The following CCDC146 variants were observed in gnomAD, a reference collection of about 807,000 sequenced individuals.
The protein encoded by CCDC146 is coiled-coil domain-containing protein 146.
Under a neutral mutation model 119.3 loss-of-function variants are expected in CCDC146, and 92 were observed. The observed-to-expected ratio is 0.77, with a 90% confidence interval of 0.65 to 0.92. CCDC146 has a LOEUF of 0.92. Among genes scored for constraint, CCDC146 ranks in the 40% least tolerant of loss-of-function variants. CCDC146 has a pLI of 0.00. For synonymous variants in CCDC146, 372 were observed against 371.8 expected, an observed-to-expected ratio of 1.00 and a Z score of -0.01; for missense variants, 1,000 against 1,103.0, an observed-to-expected ratio of 0.91 and a Z score of 1.32.
At chr7:77,236,805 A>C (rs1479569419) in intron 2 of CCDC146, 142 bp from the exon 3 acceptor site, 1 of 623,216 alleles carries the variant, frequency 1.6e-6, no homozygotes. Context: ...AACACCTGGC[A>C]TGTTTCCAGT....
chr7:77,252,914 TC>T lies in CCDC146; in HGVS notation c.450-1590del, dbSNP rs530058539. On this transcript the variant is annotated intron_variant, in intron 4 of 18. Coordinates refer to ENST00000285871, the MANE Select transcript of CCDC146 (RefSeq NM_020879.3). ...ATTTGTTACTTACTTCCACTCACCT[TC>T]CTTGGGCAAATTAGTCCAATGGCTC... Among the ~76,000 whole-genome samples the T allele has an allele frequency of 2.0e-5, 3 of 152,308 alleles. No homozygotes were observed. The South Asian group carries it at 6.2e-4, about 32-fold the overall frequency.
At chr7:77,174,257 C>A (rs746571952) in intron 2 of CCDC146, among the ~76,000 whole-genome samples, 7 of 152,132 alleles carry the variant, frequency 4.6e-5, no homozygotes, top group African/African-American at 1.4e-4. Context: ...AGTTTGATTT[C>A]TTTTTTTGTT....
rs572767733 is a variant in CCDC146, at chr7:77,123,085, T to C, written c.-12+353T>C. 2.1e-5 allele frequency among the ~76,000 whole-genome samples: 3 copies of C among 146,318 alleles called. No homozygotes were observed. In the South Asian group the frequency reaches 6.6e-4, roughly 32 times the overall value. On this transcript the variant is annotated intron_variant, in intron 1 of 18. Coordinates refer to ENST00000285871, the MANE Select transcript of CCDC146 (RefSeq NM_020879.3). ...AGTAAGAAAATGGATGGGACCGTGG[T>C]GCACAGTCTACCAAATTACCGTGTA...
Position 77,295,106 on chromosome 7 carries a change from A to T in CCDC146, c.*240A>T. On this transcript the variant is annotated 3_prime_UTR_variant, in exon 19 of 19. Coordinates refer to ENST00000285871, the MANE Select transcript of CCDC146 (RefSeq NM_020879.3). ...GTCAAAGTATATATTTGAATCGCTT[A>T]TATTTTCTTTTTCACTCTTTATATT... 1 of 420,070 alleles carries T rather than the reference A, an allele frequency of 2.4e-6. No individual in the cohort carries two copies. Among genetic ancestry groups the T allele is most frequent in the Non-Finnish European group, 4.3e-6 (1 of 234,554 alleles). The allele number at this position is 420,070 out of a possible 1,614,324, so 26.0% of individuals were successfully genotyped here. A position where few individuals can be genotyped will look rare whatever the true frequency, so the allele number is the denominator to read the frequency against.
intron 11 of CCDC146, among the ~76,000 whole-genome samples, chr7:77,278,429 GA>G: frequency 1.9e-4 from 25 of 133,382 alleles, no homozygotes; most frequent in African/African-American, 5.5e-4. Flanking sequence ...AGCAAGCCAA[GA>G]AATAATTTTT....
In CCDC146 at chr7:77,262,295, G is replaced by C. The variant is rs369369486; in HGVS notation, c.1161G>C (p.Arg387Ser). ...GGCAAACTCAAGCACTGCATCAAAGGCTTCTATTAGAGGTGAGGGCTGTAA... is the reference window on the plus strand; with the variant it reads ...GGCAAACTCAAGCACTGCATCAAAGCCTTCTATTAGAGGTGAGGGCTGTAA... The part of the protein sequence containing the change: ...ALRQTQALHQ[R>S]LLLEMEAIPK... The change falls in exon 9 of 19, where the codon AGG becomes AGC. Residue 387 changes from arginine to serine, a missense_variant. Physicochemically the swap from Arg to Ser is moderately radical, Grantham distance 110. This residue lies in a region of CCDC146 where 985 missense variants were observed against 1,045.3 expected (regional missense o/e 0.94). Transcript: ENST00000285871. 1.7e-5 allele frequency: 27 copies of C among 1,601,446 alleles called. No individual in the cohort carries two copies. The highest frequency in any genetic ancestry group is 2.3e-5 in the Non-Finnish European group (27 of 1,174,192).
intron 2 of CCDC146, among the ~76,000 whole-genome samples, chr7:77,219,473 G>A (rs10272299): frequency 0.028 from 4,248 of 152,156 alleles, 189 homozygotes; most frequent in African/African-American, 0.096. Context: ...AGGAAATTCC[G>A]GGATAATCTG....
intron 1 of CCDC146, among the ~76,000 whole-genome samples, chr7:77,149,632 G>A (rs548111157): frequency 3.9e-5 from 6 of 152,036 alleles, no homozygotes; most frequent in South Asian, 4.2e-4. Context: ...TGGGCATGGT[G>A]GTGGGCACCT....
At chr7:77,244,153 T>C (rs1268787370) in intron 4 of CCDC146, among the ~76,000 whole-genome samples, 2 of 152,178 alleles carry the variant, frequency 1.3e-5, no homozygotes, top group African/African-American at 4.8e-5. Flanking sequence ...AGAAATTTAA[T>C]TAAAAACCTT....
chr7:77,155,130 TC>T (rs2117453794), intron 1 of CCDC146, among the ~76,000 whole-genome samples: 1 of 152,370 alleles, frequency 6.6e-6, no homozygotes, highest in African/African-American at 2.4e-5. Flanking sequence ...CTTTCAGGCA[TC>T]TTTTGAATTT....
At chr7:77,281,246 T>C (rs751922019) in intron 14 of CCDC146, among the ~76,000 whole-genome samples, 3 of 152,246 alleles carry the variant, frequency 2.0e-5, no homozygotes, top group Non-Finnish European at 4.4e-5. Context: ...TTGCCTCTTA[T>C]AACATCAGAT....
intron 1 of CCDC146, among the ~76,000 whole-genome samples, chr7:77,160,426 G>C (rs888558393): frequency 1.3e-5 from 2 of 152,078 alleles, no homozygotes; most frequent in Non-Finnish European, 2.9e-5. Flanking sequence ...CCATTTGTTT[G>C]TATCCTCTTT....
chr7:77,243,230 C>T lies in CCDC146; in HGVS notation c.449+1330C>T, dbSNP rs568458199. On this transcript the variant is annotated intron_variant, in intron 4 of 18. Coordinates refer to ENST00000285871, the MANE Select transcript of CCDC146 (RefSeq NM_020879.3). ...AAAAAAACAAAAACAAAAACCAGAACGGTTGCCCTTTAGGTATAGACAGGC... is the reference window on the plus strand; with the variant it reads ...AAAAAAACAAAAACAAAAACCAGAATGGTTGCCCTTTAGGTATAGACAGGC... Among the ~76,000 whole-genome samples, 10 of 152,260 alleles carry T rather than the reference C, an allele frequency of 6.6e-5. No homozygotes were observed. The South Asian group carries it at 1.5e-3, about 22-fold the overall frequency.
rs1330084221 is a variant in CCDC146 at position 77,147,450 on chromosome 7, C to T, written c.-11-20208C>T. Reference sequence around the variant, plus strand: ...CCTTCCAGCTTTGTTCCGTTCCTGGCGAGGAGCTGTGTTCCTTTGGAGGGG... The same window carrying T: ...CCTTCCAGCTTTGTTCCGTTCCTGGTGAGGAGCTGTGTTCCTTTGGAGGGG... On this transcript the variant is annotated intron_variant, in intron 1 of 18. Transcript: ENST00000285871. 7.2e-5 allele frequency among the ~76,000 whole-genome samples: 11 copies of T among 152,212 alleles called. No homozygotes were observed. The East Asian group carries it at 9.6e-4, about 13-fold the overall frequency.
At chr7:77,274,389 G>A (rs2150534375) in intron 10 of CCDC146, 93 bp from the exon 11 acceptor site, 3 of 863,496 alleles carry the variant, frequency 3.5e-6, no homozygotes, top group African/African-American at 3.4e-5. Flanking sequence ...AATACATTTT[G>A]TATAGGAAGT....
chr7:77,147,520 T>G (rs1472925122), intron 1 of CCDC146, among the ~76,000 whole-genome samples: 1 of 152,098 alleles, frequency 6.6e-6, no homozygotes, highest in African/African-American at 2.4e-5. Context: ...TCTGCTCTGT[T>G]TTTTCCCTGT....
rs1790638599 is a variant in CCDC146 at position 77,122,637 on chromosome 7, T to TAAGAA, written c.-107_-106insAAGAA. 1 of 213,192 alleles carries TAAGAA rather than the reference T, an allele frequency of 4.7e-6. No individual in the cohort carries two copies. The highest frequency in any genetic ancestry group is 9.8e-6 in the Non-Finnish European group (1 of 102,348). The allele number at this position is 213,192 out of a possible 1,614,324, so 13.2% of individuals were successfully genotyped here. On this transcript the variant is annotated 5_prime_UTR_variant, in exon 1 of 19. Coordinates refer to ENST00000285871, the MANE Select transcript of CCDC146 (RefSeq NM_020879.3). ...CTTGGATACCAAGGACGCGACTTCT[T>TAAGAA]GTTTGGAGAGGGTGGAGCTTTGGAG...
chr7:77,163,347 C>A (rs1791290784), intron 1 of CCDC146, among the ~76,000 whole-genome samples: 2 of 151,958 alleles, frequency 1.3e-5, no homozygotes, highest in Admixed American at 1.3e-4. Context: ...ACTCTGGAGG[C>A]TGAGGCAGGA....
chr7:77,226,720 C>T (rs1792521923), intron 2 of CCDC146, among the ~76,000 whole-genome samples: 1 of 152,288 alleles, frequency 6.6e-6, no homozygotes, highest in South Asian at 2.1e-4. Context: ...TAAGATTGAA[C>T]TTTGTGCTAT....
Sources: gnomAD v4.1 joint callset for allele counts (sites outside exome capture counted in the v4.1 genomes callset) on GRCh38, gnomAD v4.1.1 for gene constraint, gnomAD v4.1.1 regional missense constraint, MANE v1.5 for transcripts, NCBI Gene and HGNC (gene_info 2026-07-23, HGNC 2026-07-21) for gene names.